The following CAP2 variants were observed in gnomAD, a reference collection of about 807,000 sequenced individuals.
The protein encoded by CAP2 is adenylyl cyclase-associated protein 2.
In CAP2, 24 loss-of-function variants were observed where a neutral mutation model predicts 57.7. The observed-to-expected ratio is 0.42, with a 90% CI of 0.30 to 0.58. The LOEUF is 0.58. Ranked by LOEUF, CAP2 falls within the 20% of genes least tolerant of loss-of-function variation. The pLI is 0.22. For missense variants in CAP2, 501 were observed against 590.3 expected (o/e 0.85, Z 1.57); for synonymous variants, 194 against 207.2 (o/e 0.94, Z 0.55).
Position 17,513,711 on chromosome 6 carries a change from A to G in CAP2, c.531-138A>G. 1 of 644,854 alleles carries G rather than the reference A, an allele frequency of 1.6e-6. No homozygotes were observed. Among genetic ancestry groups the G allele is most frequent in the Non-Finnish European group, 2.8e-6 (1 of 359,970 alleles). 39.9% of individuals were successfully genotyped at this position (644,854 alleles called of 1,614,324 possible). A position where few individuals can be genotyped will look rare whatever the true frequency, so the allele number is the denominator to read the frequency against. ...CCAGGGTTCCCTTCTGAAGCCCTTC[A>G]CGGTGCCTGGGTTGCAAGGACGATT... is the stretch of plus-strand genomic sequence containing the variant. On this transcript the variant is annotated intron_variant, in intron 6 of 12. Transcript: ENST00000229922. The surrounding 1 kb of genome is among the most constrained non-coding windows in gnomAD (Gnocchi z 4.3).
intron 1 of CAP2, among the ~76,000 whole-genome samples, chr6:17,414,544 G>C (rs1368012301): frequency 6.6e-6 from 1 of 152,080 alleles, no homozygotes; most frequent in Non-Finnish European, 1.5e-5. Context: ...TGAGGATGAT[G>C]GCTTCTAGTT....
At chr6:17,462,194 T>C (rs1760748945) in intron 3 of CAP2, among the ~76,000 whole-genome samples, 1 of 151,818 alleles carries the variant, frequency 6.6e-6, no homozygotes, top group Admixed American at 6.6e-5. Context: ...AGGGCCCAAA[T>C]GGCACTGACA....
chr6:17,527,182 T>C (rs1762532356), intron 7 of CAP2, among the ~76,000 whole-genome samples: 1 of 152,152 alleles, frequency 6.6e-6, no homozygotes. Context: ...CGTTTCTGTA[T>C]GCCCCTGAAA....
intron 3 of CAP2, among the ~76,000 whole-genome samples, chr6:17,429,218 A>G (rs1759666205): frequency 6.6e-6 from 1 of 152,226 alleles, no homozygotes; most frequent in African/African-American, 2.4e-5. Flanking sequence ...GCTAACATAC[A>G]CAAAGGAATA....
chr6:17,517,755 G>A (rs1006778744), intron 7 of CAP2, among the ~76,000 whole-genome samples: 1 of 152,080 alleles, frequency 6.6e-6, no homozygotes, highest in Non-Finnish European at 1.5e-5. Flanking sequence ...ACAAAAATTA[G>A]CCAGGCATGG....
intron 4 of CAP2, among the ~76,000 whole-genome samples, chr6:17,483,945 T>C (rs1404362433): frequency 6.6e-6 from 1 of 151,816 alleles, no homozygotes; most frequent in Non-Finnish European, 1.5e-5. Context: ...GTGTGCTTCT[T>C]GTCTGTTTCT....
At chr6:17,493,088 C>T (rs953886153) in intron 4 of CAP2, among the ~76,000 whole-genome samples, 2 of 152,324 alleles carry the variant, frequency 1.3e-5, no homozygotes, top group Admixed American at 1.3e-4. Flanking sequence ...ACAAGATAAA[C>T]TATTACCTTC....
At chr6:17,528,839 A>G (rs1302112973) in intron 7 of CAP2, among the ~76,000 whole-genome samples, 1 of 152,144 alleles carries the variant, frequency 6.6e-6, no homozygotes, top group African/African-American at 2.4e-5. Flanking sequence ...ATTATACAGC[A>G]CTTCACTGTG....
intron 12 of CAP2, among the ~76,000 whole-genome samples, chr6:17,555,688 C>T (rs1462109435): frequency 4.6e-5 from 7 of 151,972 alleles, no homozygotes; most frequent in African/African-American, 1.5e-4. Context: ...TTCAGCCTCC[C>T]GAGTAGCTGA....
At chr6:17,541,288 T>C in intron 9 of CAP2, 140 bp downstream of exon 9, 1 of 630,598 alleles carries the variant, frequency 1.6e-6, no homozygotes, top group East Asian at 2.8e-5. Flanking sequence ...ATTTATGGGG[T>C]ACCTGTGATA....
chr6:17,518,129 T>A (rs544617305), intron 7 of CAP2, among the ~76,000 whole-genome samples: 1 of 152,230 alleles, frequency 6.6e-6, no homozygotes, highest in Admixed American at 6.5e-5. Context: ...AAAGTTTTGG[T>A]CAGATATTAA....
chr6:17,446,841 A>G (rs1430358264), intron 3 of CAP2, among the ~76,000 whole-genome samples: 1 of 152,212 alleles, frequency 6.6e-6, no homozygotes, highest in Non-Finnish European at 1.5e-5. Context: ...GGTGTGACCA[A>G]TCCTGCACAG....
At chr6:17,464,922 G>A (rs1760822988) in intron 4 of CAP2, among the ~76,000 whole-genome samples, 1 of 152,212 alleles carries the variant, frequency 6.6e-6, no homozygotes, top group Non-Finnish European at 1.5e-5. Context: ...GAAGAACTGT[G>A]ACTTTCCTCA....
chr6:17,513,376 C>T lies in CAP2; in HGVS notation c.531-473C>T, dbSNP rs1762201754. On this transcript the variant is annotated intron_variant, in intron 6 of 12. Coordinates refer to ENST00000229922, the MANE Select transcript of CAP2 (RefSeq NM_006366.3). The surrounding 1 kb of genome is among the most constrained non-coding windows in gnomAD (Gnocchi z 4.3). The stretch of plus-strand genomic sequence containing the variant: ...GCTAAAATTCTCCAATTTGGTTATA[C>T]TTTTAACCAAATAATTCAACAGAAT... Among the ~76,000 whole-genome samples, 1 of 152,174 alleles carries T rather than the reference C, an allele frequency of 6.6e-6. No individual in the cohort carries two copies. The highest frequency in any genetic ancestry group is 1.5e-5 in the Non-Finnish European group (1 of 68,038).
At chr6:17,448,455 A>G (rs1471837793) in intron 3 of CAP2, among the ~76,000 whole-genome samples, 1 of 152,246 alleles carries the variant, frequency 6.6e-6, no homozygotes, top group East Asian at 1.9e-4. Context: ...GGTTTTGTTC[A>G]GAATATAAAC....
At position 17,539,472 on chromosome 6, in the gene CAP2, G is replaced by A. The variant is rs868020409; in HGVS notation, c.826+14G>A. Reference sequence around the variant, plus strand: ...CAATTACAAAAGGTGAGAGAGAAAAGAAGACCTTGAAGCTGCCTCCCTTTC... The same window carrying A: ...CAATTACAAAAGGTGAGAGAGAAAAAAAGACCTTGAAGCTGCCTCCCTTTC... On this transcript the variant is annotated intron_variant, in intron 8 of 12. Coordinates refer to ENST00000229922, the MANE Select transcript of CAP2 (RefSeq NM_006366.3). 6.2e-7 allele frequency: 1 copy of A among 1,603,334 alleles called. No individual in the cohort carries two copies. Among genetic ancestry groups the A allele is most frequent in the Non-Finnish European group, 8.5e-7 (1 of 1,171,592 alleles).
chr6:17,413,459 G>A (rs1207189735), intron 1 of CAP2, among the ~76,000 whole-genome samples: 1 of 152,156 alleles, frequency 6.6e-6, no homozygotes, highest in African/African-American at 2.4e-5. Context: ...GCTTGACTGA[G>A]CAGGGTTTGC....
At chr6:17,422,420 G>A (rs1400589187) in intron 2 of CAP2, among the ~76,000 whole-genome samples, 1 of 148,936 alleles carries the variant, frequency 6.7e-6, no homozygotes, top group East Asian at 2.0e-4. Context: ...TATGATCTGG[G>A]CTCACTACAA....
chr6:17,537,768 T>A (rs570038977), intron 7 of CAP2, among the ~76,000 whole-genome samples: 50 of 152,160 alleles, frequency 3.3e-4, no homozygotes, highest in Non-Finnish European at 6.6e-4. Flanking sequence ...TACTTGAGGG[T>A]TCAAAAGTAA....
Sources: allele counts gnomAD v4.1 joint callset (sites outside exome capture counted in the v4.1 genomes callset), GRCh38; gene constraint gnomAD v4.1.1; non-coding constraint Gnocchi (gnomAD v3.1); transcripts MANE v1.5; gene names NCBI Gene and HGNC (gene_info 2026-07-23, HGNC 2026-07-21).